ITSN1: variants seen among roughly 807,000 people sequenced by gnomAD.
ITSN1 encodes the protein intersectin-1.
Under a neutral mutation model 239.8 loss-of-function variants are expected in ITSN1, and 58 were observed. The observed-to-expected ratio is 0.24, with a 90% CI of 0.20 to 0.30. The LOEUF (loss-of-function observed/expected upper bound fraction) is 0.30, where lower values mean the gene tolerates loss of function less well. Among genes scored for constraint, ITSN1 ranks in the 10% least tolerant of loss-of-function variants. ITSN1 has a pLI of 1.00. For synonymous variants in ITSN1, 780 were observed against 770.8 expected (o/e 1.01, Z -0.20); for missense variants, 1,558 against 2,103.3 (o/e 0.74, Z 5.07).
At position 33,834,253 on chromosome 21, in the gene ITSN1, G is replaced by A. The variant is rs2074472446; in HGVS notation, c.3352-54G>A. 3 of 1,262,906 alleles carry A rather than the reference G, an allele frequency of 2.4e-6. No homozygotes were observed. In the Admixed American group the frequency reaches 5.1e-5, roughly 21 times the overall value. 78.2% of individuals were successfully genotyped at this position (1,262,906 alleles called of 1,614,324 possible). Reference sequence around the variant, plus strand: ...TAAGTGCTCTGTTATAAAGTGAGCTGTATTATAAAAGATGCGCCTTTAAAA... The same window carrying A: ...TAAGTGCTCTGTTATAAAGTGAGCTATATTATAAAAGATGCGCCTTTAAAA... On this transcript the variant is annotated intron_variant, in intron 27 of 39. Coordinates refer to ENST00000381318, the MANE Select transcript of ITSN1 (RefSeq NM_003024.3).
intron 1 of ITSN1, among the ~76,000 whole-genome samples, chr21:33,663,690 C>T (rs1327226642): frequency 6.6e-6 from 1 of 152,154 alleles, no homozygotes; most frequent in African/African-American, 2.4e-5. Context: ...GCAACCTCCA[C>T]CTCCCAGGTT....
chr21:33,845,632 C>T (rs2074968398), intron 29 of ITSN1, among the ~76,000 whole-genome samples: 3 of 152,126 alleles, frequency 2.0e-5, no homozygotes, highest in Non-Finnish European at 4.4e-5. Flanking sequence ...GTCACCTCCT[C>T]GAGGAAGCCT....
chr21:33,657,761 A>T (rs992786413), intron 1 of ITSN1, among the ~76,000 whole-genome samples: 1 of 152,162 alleles, frequency 6.6e-6, no homozygotes, highest in Non-Finnish European at 1.5e-5. Context: ...CAAAGTGAGA[A>T]GGTTGCTCGA....
chr21:33,844,817 G>A (rs934177190), intron 29 of ITSN1, among the ~76,000 whole-genome samples: 4 of 152,090 alleles, frequency 2.6e-5, no homozygotes, highest in Non-Finnish European at 4.4e-5. Flanking sequence ...CCACACGGCC[G>A]AATCCTCAGT....
Position 33,774,989 on chromosome 21 carries a change from G to C in ITSN1, c.1477G>C (p.Glu493Gln). The change falls in exon 14 of 40, where the codon GAA (glutamate) becomes CAA (glutamine). Residue 493 changes from glutamate (E) to glutamine (Q), a missense_variant. This residue lies in a region of ITSN1 where 982 missense variants were observed against 1,209.9 expected (regional missense o/e 0.81). Transcript: ENST00000381318. ...EALNDKKHQL[E>Q]GKLQDIRCRL... ...CAAGAATGATAAAAAGCATCAACTA[G>C]AAGGGAAACTTCAAGATATCAGATG... 1 of 1,613,164 alleles carries C rather than the reference G, an allele frequency of 6.2e-7. No individual in the cohort carries two copies. Among genetic ancestry groups the C allele is most frequent in the Non-Finnish European group, 8.5e-7 (1 of 1,179,516 alleles).
At chr21:33,703,079 CTGTCTG>C (rs943256104) in intron 1 of ITSN1, among the ~76,000 whole-genome samples, 5 of 126,948 alleles carry the variant, frequency 3.9e-5, no homozygotes, top group East Asian at 5.6e-4. Flanking sequence ...GAGCGAGACT[CTGTCTG>C]TGTGTGTGTG....
At chr21:33,745,511 A>G (rs1316836492) in intron 5 of ITSN1, among the ~76,000 whole-genome samples, 1 of 152,220 alleles carries the variant, frequency 6.6e-6, no homozygotes, top group Admixed American at 6.5e-5. Flanking sequence ...AGAATCATTT[A>G]TGCCTGAAAA....
intron 29 of ITSN1, chr21:33,837,280 CT>C: frequency 8.3e-7 from 1 of 1,204,264 alleles, no homozygotes; most frequent in Non-Finnish European, 1.0e-6. Flanking sequence ...CTCAAATTGA[CT>C]TTCCCCCACC....
intron 29 of ITSN1, among the ~76,000 whole-genome samples, chr21:33,854,485 A>AGTG (rs1978936190): frequency 6.6e-6 from 1 of 152,084 alleles, no homozygotes; most frequent in Non-Finnish European, 1.5e-5. Context: ...CTCACAGGAG[A>AGTG]GTGGGGTAAA....
chr21:33,646,672 A>G (rs2087983045), intron 1 of ITSN1, among the ~76,000 whole-genome samples: 1 of 152,224 alleles, frequency 6.6e-6, no homozygotes, highest in Non-Finnish European at 1.5e-5. Context: ...ACATACTTCT[A>G]AGTGCTTACC....
intron 20 of ITSN1, 183 bp from the exon 21 acceptor site, chr21:33,810,792 T>C: frequency 1.3e-6 from 1 of 780,988 alleles, no homozygotes; most frequent in East Asian, 2.5e-5. Context: ...TGAATTATAG[T>C]GCATTTTTTT....
intron 4 of ITSN1, 79 bp from the exon 5 acceptor site, chr21:33,734,965 T>C (rs563985325): frequency 4.0e-6 from 5 of 1,243,758 alleles, no homozygotes; most frequent in Admixed American, 2.3e-5. Context: ...TATTTTGTTT[T>C]CGTGTTGGTG....
chr21:33,800,694 C>G (rs1006354421), intron 19 of ITSN1, among the ~76,000 whole-genome samples: 1 of 151,744 alleles, frequency 6.6e-6, no homozygotes, highest in African/African-American at 2.4e-5. Flanking sequence ...CATGGTTGAT[C>G]TAAATCATTT....
chr21:33,696,127 C>T (rs2091782081), intron 1 of ITSN1, among the ~76,000 whole-genome samples: 1 of 152,166 alleles, frequency 6.6e-6, no homozygotes, highest in Non-Finnish European at 1.5e-5. Flanking sequence ...ACTGCATTGT[C>T]CTTTGCTCTC....
chr21:33,867,250 T>C lies in ITSN1; in HGVS notation c.4092T>C (p.Pro1364=). The C allele has an allele frequency of 6.2e-7, 1 of 1,607,904 alleles. No homozygotes were observed. Among genetic ancestry groups the C allele is most frequent in the East Asian group, 2.2e-5 (1 of 44,834 alleles). The change falls in exon 33 of 40, where the codon CCT becomes CCC. Residue 1364 remains proline, a synonymous_variant. Transcript: ENST00000381318. ...CATTTCAGAGATTGGCAATGGATCC[T>C]CGGTGTAAAGGGATGCCACTCTCTA... ...KEFVKRLAMD[P]RCKGMPLSSF... is the part of the protein sequence containing the mutation.
intron 29 of ITSN1, among the ~76,000 whole-genome samples, chr21:33,840,456 C>T (rs918456482): frequency 5.3e-5 from 8 of 152,056 alleles, no homozygotes; most frequent in Non-Finnish European, 8.8e-5. Flanking sequence ...CTCCACCTCC[C>T]GGATACAGGC....
intron 1 of ITSN1, among the ~76,000 whole-genome samples, chr21:33,682,651 C>A (rs1363036513): frequency 6.6e-6 from 1 of 152,128 alleles, no homozygotes; most frequent in Non-Finnish European, 1.5e-5. Context: ...GTGTCAGCCT[C>A]CCAGTAGCTG....
At chr21:33,813,352 CT>C (rs1052128513) in intron 21 of ITSN1, among the ~76,000 whole-genome samples, 53 of 144,488 alleles carry the variant, frequency 3.7e-4, no homozygotes, top group South Asian at 1.1e-3. Flanking sequence ...ACCCAGCTAA[CT>C]TTTTTTTTTT....
At chr21:33,733,245 A>T (rs924892522) in intron 4 of ITSN1, among the ~76,000 whole-genome samples, 1 of 152,196 alleles carries the variant, frequency 6.6e-6, no homozygotes, top group Non-Finnish European at 1.5e-5. Flanking sequence ...TTCTCACTTC[A>T]TATGAACATT....
Sources: gnomAD v4.1 joint callset for allele counts (sites outside exome capture counted in the v4.1 genomes callset) on GRCh38, gnomAD v4.1.1 for gene constraint, gnomAD v4.1.1 regional missense constraint, MANE v1.5 for transcripts, NCBI Gene and HGNC (gene_info 2026-07-23, HGNC 2026-07-21) for gene names.